Variants in KLF8 observed in about 807,000 individuals in gnomAD.
KLF8 encodes the protein KLF transcription factor 8.
Under a neutral mutation model 18.2 loss-of-function variants are expected in KLF8, and 10 were observed. The observed-to-expected ratio is 0.55, with a 90% CI of 0.34 to 0.93. KLF8 has a LOEUF of 0.93. Ranked by LOEUF, KLF8 falls within the 40% of genes least tolerant of loss-of-function variation. KLF8 has a pLI of 0.02. For missense variants in KLF8, 264 were observed against 277.9 expected (o/e 0.95, Z 0.36); for synonymous variants, 109 against 97.3 (o/e 1.12, Z -0.71).
At chrX:56,106,703 G>A in the KLF8 span, among the ~76,000 whole-genome samples, 1 of 112,084 alleles carries the variant, frequency 8.9e-6, no homozygotes, top group Non-Finnish European at 1.9e-5. Context: ...ACCTTCTGAA[G>A]CCTACTTCTG....
At chrX:55,982,534 C>T in the KLF8 span, among the ~76,000 whole-genome samples, 2 of 111,955 alleles carry the variant, frequency 1.8e-5, no homozygotes, top group Non-Finnish European at 3.8e-5. Flanking sequence ...TGTTACTCTA[C>T]ATTGGCTGTC....
chrX:56,055,758 A>AT, the KLF8 span, among the ~76,000 whole-genome samples: 1 of 111,062 alleles, frequency 9.0e-6, no homozygotes, highest in East Asian at 2.8e-4. Context: ...GGTTTTGTTG[A>AT]TTTTTTTAAT....
the KLF8 span, among the ~76,000 whole-genome samples, chrX:55,958,824 C>T: frequency 8.9e-6 from 1 of 112,480 alleles, no homozygotes; most frequent in African/African-American, 3.2e-5. Context: ...AGAAGAGAGA[C>T]GGTTTGGGCA....
chrX:56,053,022 C>G, the KLF8 span, among the ~76,000 whole-genome samples: 1 of 111,649 alleles, frequency 9.0e-6, no homozygotes, highest in African/African-American at 3.3e-5. Context: ...TGGGAGTGAC[C>G]CGATTTTCCA....
the KLF8 span, among the ~76,000 whole-genome samples, chrX:55,944,722 T>G: frequency 2.7e-5 from 3 of 111,562 alleles, no homozygotes; most frequent in African/African-American, 9.8e-5. Context: ...CTTCTCTCTT[T>G]TCTTCTTTCT....
At chrX:56,242,794 T>G in intron 1 of KLF8, 1 of 256,395 alleles carries the variant, frequency 3.9e-6, no homozygotes, top group Non-Finnish European at 7.2e-6. Context: ...CTGTTCTTTT[T>G]AACATCCTAG....
At position 56,270,278 on chromosome X, in the gene KLF8, C is replaced by T. The variant is rs2067034403; in HGVS notation, c.855C>T (p.Tyr285=). 1 of 1,197,649 alleles carries T rather than the reference C, an allele frequency of 8.3e-7. No homozygotes were observed. ...QCDFAGCSKV[Y]TKSSHLKAHR... ...ACTTTGCAGGATGCAGCAAAGTGTACACCAAAAGCTCTCACCTGAAAGCTC... is the reference window on the plus strand; with the variant it reads ...ACTTTGCAGGATGCAGCAAAGTGTATACCAAAAGCTCTCACCTGAAAGCTC... Residue 285 remains tyrosine (Y), a synonymous_variant, in exon 5 of 6, where the codon TAC becomes TAT. Transcript: ENST00000468660.
the KLF8 span, among the ~76,000 whole-genome samples, chrX:55,977,276 T>C: frequency 8.9e-6 from 1 of 112,053 alleles, no homozygotes; most frequent in African/African-American, 3.2e-5. Context: ...GCCTTTATTA[T>C]GTCAAGGTAC....
the KLF8 span, among the ~76,000 whole-genome samples, chrX:55,972,082 C>T: frequency 1.8e-5 from 2 of 111,466 alleles, no homozygotes; most frequent in East Asian, 5.6e-4. Flanking sequence ...AAAGAGATAT[C>T]TGCACTCTCA....
the KLF8 span, among the ~76,000 whole-genome samples, chrX:56,188,064 G>T: frequency 6.3e-5 from 7 of 110,803 alleles, no homozygotes; most frequent in African/African-American, 2.3e-4. Context: ...TATTCAATTA[G>T]GAAAAGAGGA....
At chrX:56,080,915 A>T in the KLF8 span, among the ~76,000 whole-genome samples, 1 of 110,265 alleles carries the variant, frequency 9.1e-6, no homozygotes, top group Non-Finnish European at 1.9e-5. Context: ...TCCATCACTG[A>T]TACCCTTTCT....
the KLF8 span, among the ~76,000 whole-genome samples, chrX:55,952,607 G>GTTAC: frequency 9.0e-5 from 10 of 111,680 alleles, no homozygotes; most frequent in Non-Finnish European, 1.7e-4. Flanking sequence ...GACCCACTTG[G>GTTAC]GTAATCTAGG....
the KLF8 span, among the ~76,000 whole-genome samples, chrX:56,051,851 C>T: frequency 0.051 from 5,340 of 104,901 alleles, 655 homozygotes; most frequent in African/African-American, 0.21. Flanking sequence ...CTGGATAATA[C>T]CCTGCAGAGT....
At chrX:55,934,802 C>T in the KLF8 span, among the ~76,000 whole-genome samples, 4 of 112,385 alleles carry the variant, frequency 3.6e-5, no homozygotes, top group African/African-American at 1.3e-4. Context: ...TGTGACTCAG[C>T]TGCCTGTCCA....
At chrX:55,962,297 A>G in the KLF8 span, 1 of 182,562 alleles carries the variant, frequency 5.5e-6, no homozygotes, top group Admixed American at 5.7e-5. Flanking sequence ...TTCTACCCAC[A>G]TCTGGCAACA....
At chrX:56,000,323 T>A in the KLF8 span, among the ~76,000 whole-genome samples, 3 of 110,075 alleles carry the variant, frequency 2.7e-5, no homozygotes, top group Admixed American at 9.8e-5. Flanking sequence ...TGTCCTTTCC[T>A]GGCTTGGTTT....
At chrX:56,196,502 G>T in the KLF8 span, among the ~76,000 whole-genome samples, 5 of 112,016 alleles carry the variant, frequency 4.5e-5, no homozygotes, top group Non-Finnish European at 7.5e-5. Flanking sequence ...GACAAAGAAG[G>T]CCATTACATA....
chrX:56,071,061 A>G, the KLF8 span, among the ~76,000 whole-genome samples: 13 of 111,963 alleles, frequency 1.2e-4, no homozygotes, highest in Admixed American at 4.7e-4. Flanking sequence ...ACTGAGTATA[A>G]TAGATAACCT....
the KLF8 span, among the ~76,000 whole-genome samples, chrX:55,925,415 C>T: frequency 9.1e-6 from 1 of 110,088 alleles, no homozygotes; most frequent in African/African-American, 3.3e-5. Context: ...CACACACACA[C>T]GCACACACAC....
Sources: allele counts gnomAD v4.1 joint callset (sites outside exome capture counted in the v4.1 genomes callset), GRCh38; gene constraint gnomAD v4.1.1; transcripts MANE v1.5; gene names NCBI Gene and HGNC (gene_info 2026-07-23, HGNC 2026-07-21).